The following UNC5C variants were observed in gnomAD, a reference collection of about 807,000 sequenced individuals.
The protein encoded by UNC5C is unc-5 netrin receptor C, also known as netrin receptor UNC5C.
In UNC5C, 47 loss-of-function variants were observed where a neutral mutation model predicts 99.8. The observed-to-expected ratio is 0.47, with a 90% CI of 0.37 to 0.60. UNC5C has a LOEUF of 0.60. UNC5C is among the 20% of genes least tolerant of loss of function. The probability of loss-of-function intolerance (pLI) is 0.00; values close to 1 mark genes in which losing one functional copy is unlikely to be tolerated. For missense variants in UNC5C, 1,062 were observed against 1,165.9 expected (o/e 0.91, Z 1.30); for synonymous variants, 487 against 452.2 (o/e 1.08, Z -0.98).
intron 1 of UNC5C, among the ~76,000 whole-genome samples, chr4:95,541,609 C>T (rs1722922532): frequency 6.6e-6 from 1 of 151,938 alleles, no homozygotes; most frequent in Non-Finnish European, 1.5e-5. Context: ...AAATGCTGTG[C>T]TTTACTTCTG....
chr4:95,410,071 G>A (rs1745934452), intron 1 of UNC5C, among the ~76,000 whole-genome samples: 1 of 152,134 alleles, frequency 6.6e-6, no homozygotes, highest in South Asian at 2.1e-4. Flanking sequence ...GACTGCTAGT[G>A]ATTTTGGGGT....
At chr4:95,279,852 G>A (rs1459347857) in intron 3 of UNC5C, among the ~76,000 whole-genome samples, 2 of 152,060 alleles carry the variant, frequency 1.3e-5, no homozygotes, top group Non-Finnish European at 2.9e-5. Context: ...TTTTTCCACT[G>A]ACTGCTGGGG....
intron 1 of UNC5C, among the ~76,000 whole-genome samples, chr4:95,489,853 A>T (rs1221013409): frequency 1.3e-5 from 2 of 151,702 alleles, no homozygotes; most frequent in Non-Finnish European, 2.9e-5. Context: ...AAGTGGAGAC[A>T]TTAACTATGC....
At position 95,384,723 on chromosome 4, in the gene UNC5C, T is replaced by C. The variant is rs182996719; in HGVS notation, c.125-49092A>G. Among the ~76,000 whole-genome samples the C allele has an allele frequency of 2.6e-3, 396 of 151,876 alleles. 5 individuals are homozygous for C. The highest frequency in any genetic ancestry group is 9.3e-3 in the African/African-American group (387 of 41,408). ...TGCTGTAGGATATGCGGAAGAGGGA[T>C]TGGAGGGATAGAAGACAGAAAGCGG... On this transcript the variant is annotated intron_variant, in intron 1 of 15. Transcript: ENST00000453304.
intron 1 of UNC5C, among the ~76,000 whole-genome samples, chr4:95,527,040 A>G (rs1370461302): frequency 6.6e-6 from 1 of 152,104 alleles, no homozygotes; most frequent in African/African-American, 2.4e-5. Context: ...GTTAAGTGAC[A>G]ATATTTTAAA....
chr4:95,241,606 C>T (rs763824639), intron 7 of UNC5C, among the ~76,000 whole-genome samples: 88 of 152,268 alleles, frequency 5.8e-4, no homozygotes, highest in Non-Finnish European at 7.4e-4. Flanking sequence ...AAAGACAGCA[C>T]ATTTTTTGAT....
At chr4:95,251,623 C>T (rs953403865) in intron 4 of UNC5C, among the ~76,000 whole-genome samples, 2 of 152,148 alleles carry the variant, frequency 1.3e-5, no homozygotes, top group Non-Finnish European at 2.9e-5. Flanking sequence ...CAACAAACAA[C>T]GTTGATATTT....
intron 7 of UNC5C, chr4:95,222,093 A>G: frequency 4.7e-6 from 3 of 634,524 alleles, no homozygotes; most frequent in East Asian, 6.6e-5. Context: ...ATGTTAGAAT[A>G]TATTAGGCTC....
At chr4:95,278,390 G>T (rs755207260) in intron 3 of UNC5C, 28 bp from the exon 4 acceptor site, 4 of 1,566,356 alleles carry the variant, frequency 2.6e-6, no homozygotes, top group Non-Finnish European at 3.5e-6. Context: ...CAAAATACAT[G>T]TCAAAATTAA....
chr4:95,478,810 A>G (rs886265055), intron 1 of UNC5C, among the ~76,000 whole-genome samples: 4 of 151,974 alleles, frequency 2.6e-5, no homozygotes, highest in African/African-American at 9.7e-5. Context: ...GGTGGGCCCT[A>G]GTGGCGGGTA....
chr4:95,189,791 A>G (rs1282099306), intron 12 of UNC5C, among the ~76,000 whole-genome samples: 1 of 152,206 alleles, frequency 6.6e-6, no homozygotes. Context: ...CCACAATGAG[A>G]TATCATCTCA....
At chr4:95,407,337 G>A (rs1745858979) in intron 1 of UNC5C, among the ~76,000 whole-genome samples, 1 of 152,022 alleles carries the variant, frequency 6.6e-6, no homozygotes, top group Admixed American at 6.6e-5. Flanking sequence ...ACCAGCTGTG[G>A]GGAGTAAAAC....
At chr4:95,274,276 C>A (rs990274517) in intron 4 of UNC5C, among the ~76,000 whole-genome samples, 2 of 152,108 alleles carry the variant, frequency 1.3e-5, no homozygotes, top group Non-Finnish European at 2.9e-5. Flanking sequence ...GTGTCCCTCA[C>A]CCGCAGGCCC....
At position 95,398,438 on chromosome 4, in the gene UNC5C, C is replaced by T. The variant is rs144212487; in HGVS notation, c.125-62807G>A. 2.8e-3 allele frequency among the ~76,000 whole-genome samples: 423 copies of T among 152,046 alleles called. 2 individuals carry two copies. Among genetic ancestry groups the T allele is most frequent in the Non-Finnish European group, 4.7e-3 (319 of 67,982 alleles). On this transcript the variant is annotated intron_variant, in intron 1 of 15. Transcript: ENST00000453304. Reference sequence around the variant, plus strand: ...ACTAATCTAACTTCATTCACTCATTCATTCATTCATTCATTCATTCAACAA... The same window carrying T: ...ACTAATCTAACTTCATTCACTCATTTATTCATTCATTCATTCATTCAACAA...
intron 1 of UNC5C, among the ~76,000 whole-genome samples, chr4:95,373,353 T>C (rs1579366472): frequency 6.6e-6 from 1 of 152,306 alleles, no homozygotes; most frequent in Admixed American, 6.5e-5. Context: ...TGCCAGTCAC[T>C]CAGACTTTCT....
chr4:95,238,568 GT>G (rs1423052584), intron 7 of UNC5C, among the ~76,000 whole-genome samples: 1 of 151,980 alleles, frequency 6.6e-6, no homozygotes, highest in Non-Finnish European at 1.5e-5. Flanking sequence ...ACCAATTGTT[GT>G]TTTTCATTTT....
chr4:95,179,473 G>A lies in UNC5C; in HGVS notation c.2451+3424C>T, dbSNP rs183462405. The stretch of plus-strand genomic sequence containing the variant: ...TAAAGTAAAGTAGATGAGAACGGGC[G>A]TGGTGGCTCACGCCTATAATCCCAG... On this transcript the variant is annotated intron_variant, in intron 14 of 15. Coordinates refer to ENST00000453304, the MANE Select transcript of UNC5C (RefSeq NM_003728.4). Among the ~76,000 whole-genome samples, 30 of 152,254 alleles carry A rather than the reference G, an allele frequency of 2.0e-4. No individual in the cohort carries two copies. The East Asian group carries it at 3.9e-3, about 20-fold the overall frequency.
intron 14 of UNC5C, 136 bp from the exon 15 acceptor site, chr4:95,170,468 CT>C: frequency 9.2e-7 from 1 of 1,085,790 alleles, no homozygotes; most frequent in African/African-American, 1.6e-5. Context: ...GGAAGAATGG[CT>C]TCTTCTTAGC....
intron 12 of UNC5C, among the ~76,000 whole-genome samples, chr4:95,199,236 A>T (rs1737555627): frequency 6.6e-6 from 1 of 152,182 alleles, no homozygotes; most frequent in Non-Finnish European, 1.5e-5. Context: ...GGCGCCAAGA[A>T]GGCAGAGTTT....
Sources: allele counts gnomAD v4.1 joint callset (sites outside exome capture counted in the v4.1 genomes callset), GRCh38; gene constraint gnomAD v4.1.1; transcripts MANE v1.5; gene names NCBI Gene and HGNC (gene_info 2026-07-23, HGNC 2026-07-21).